TAFA1: variants seen among roughly 807,000 people sequenced by gnomAD.
TAFA1 encodes TAFA chemokine like family member 1, also known as chemokine-like protein TAFA-1.
In TAFA1, 4 loss-of-function variants were observed where a neutral mutation model predicts 18.5. The ratio of observed to expected loss-of-function variants is 0.22; its 90% CI spans 0.11 to 0.49. The LOEUF is 0.49. Ranked by LOEUF, TAFA1 falls within the 20% of genes least tolerant of loss-of-function variation. TAFA1 has a pLI of 0.98. For missense variants in TAFA1, 147 were observed against 169.0 expected (o/e 0.87, Z 0.72); for synonymous variants, 56 against 55.2 (o/e 1.01, Z -0.06).
At chr3:68,503,657 A>G (rs1298876861) in intron 3 of TAFA1, among the ~76,000 whole-genome samples, 1 of 152,136 alleles carries the variant, frequency 6.6e-6, no homozygotes, top group Non-Finnish European at 1.5e-5. Context: ...TACACTTTAA[A>G]ATACTTGAAG....
At chr3:68,401,869 G>A (rs753225052) in intron 2 of TAFA1, among the ~76,000 whole-genome samples, 4 of 152,122 alleles carry the variant, frequency 2.6e-5, no homozygotes, top group East Asian at 1.9e-4. Context: ...GAAAGAAAAC[G>A]CAGTCTTCAG....
At chr3:68,246,154 C>T (rs945598283) in intron 2 of TAFA1, among the ~76,000 whole-genome samples, 1 of 152,132 alleles carries the variant, frequency 6.6e-6, no homozygotes, top group Non-Finnish European at 1.5e-5. Context: ...GAACTGTTGG[C>T]ATCCGTTGCC....
At chr3:68,204,655 T>C (rs1373297624) in intron 2 of TAFA1, among the ~76,000 whole-genome samples, 1 of 151,772 alleles carries the variant, frequency 6.6e-6, no homozygotes, top group Non-Finnish European at 1.5e-5. Context: ...AAGGAGAGAT[T>C]AAAAGCAACA....
At chr3:68,466,440 T>C (rs923096741) in intron 3 of TAFA1, among the ~76,000 whole-genome samples, 56 of 152,290 alleles carry the variant, frequency 3.7e-4, no homozygotes, top group African/African-American at 1.3e-3. Flanking sequence ...ATGTATTTTC[T>C]CTTAAATTAT....
intron 2 of TAFA1, among the ~76,000 whole-genome samples, chr3:68,285,460 C>A (rs1287244543): frequency 6.6e-6 from 1 of 151,028 alleles, no homozygotes; most frequent in Non-Finnish European, 1.5e-5. Flanking sequence ...ATATATATAG[C>A]AACATATATA....
intron 2 of TAFA1, among the ~76,000 whole-genome samples, chr3:68,318,412 GA>G (rs2068640642): frequency 6.6e-6 from 1 of 152,152 alleles, no homozygotes; most frequent in Non-Finnish European, 1.5e-5. Flanking sequence ...ATGTTAGACA[GA>G]CATTTATTAA....
Position 68,303,660 on chromosome 3 carries a change from G to A in TAFA1, c.119-113620G>A, listed in dbSNP as rs557111180. ...GAGACGGGGTTTCACTGTGTTAGCC[G>A]GGATGGTCTTGATCTCCTGACCTCG... On this transcript the variant is annotated intron_variant, in intron 2 of 4. Coordinates refer to ENST00000478136, the MANE Select transcript of TAFA1 (RefSeq NM_213609.4). Among the ~76,000 whole-genome samples the A allele has an allele frequency of 3.4e-3, 524 of 151,986 alleles. 5 individuals carry two copies. The highest frequency in any genetic ancestry group is 5.9e-3 in the Non-Finnish European group (399 of 67,958).
At chr3:68,440,861 G>A (rs913318533) in intron 3 of TAFA1, among the ~76,000 whole-genome samples, 3 of 152,156 alleles carry the variant, frequency 2.0e-5, no homozygotes, top group African/African-American at 7.2e-5. Flanking sequence ...TTCTTAGCCT[G>A]TTGACTTAAA....
intron 3 of TAFA1, among the ~76,000 whole-genome samples, chr3:68,470,785 C>T (rs903382680): frequency 2.0e-5 from 3 of 152,112 alleles, no homozygotes; most frequent in East Asian, 1.9e-4. Flanking sequence ...TGCAGCCTGA[C>T]GATGCAATAG....
At chr3:68,471,774 C>G (rs990226796) in intron 3 of TAFA1, among the ~76,000 whole-genome samples, 1 of 152,174 alleles carries the variant, frequency 6.6e-6, no homozygotes, top group Non-Finnish European at 1.5e-5. Flanking sequence ...AGGAACAATA[C>G]TTTGCATCCT....
At chr3:68,105,087 C>T (rs1374037501) in intron 2 of TAFA1, among the ~76,000 whole-genome samples, 3 of 152,036 alleles carry the variant, frequency 2.0e-5, no homozygotes, top group African/African-American at 7.2e-5. Flanking sequence ...GGAGGTGCCA[C>T]ACTCTTTTAA....
intron 2 of TAFA1, among the ~76,000 whole-genome samples, chr3:68,356,334 A>G (rs17047570): frequency 0.016 from 2,399 of 151,942 alleles, 63 homozygotes; most frequent in African/African-American, 0.055. Context: ...CTTGTCCCTA[A>G]GGGTGGTTGT....
At chr3:68,469,817 A>T (rs1268487024) in intron 3 of TAFA1, among the ~76,000 whole-genome samples, 1 of 152,214 alleles carries the variant, frequency 6.6e-6, no homozygotes, top group Non-Finnish European at 1.5e-5. Flanking sequence ...ACAACCTTGT[A>T]CCAGTGATGG....
chr3:68,534,849 AAGG>A (rs906143650), intron 3 of TAFA1, among the ~76,000 whole-genome samples: 2 of 152,072 alleles, frequency 1.3e-5, no homozygotes, highest in Non-Finnish European at 2.9e-5. Context: ...GAGCAGCCTG[AAGG>A]AGGAGGAGGA....
intron 2 of TAFA1, among the ~76,000 whole-genome samples, chr3:68,065,914 A>G (rs2064671563): frequency 6.6e-6 from 1 of 152,136 alleles, no homozygotes; most frequent in Non-Finnish European, 1.5e-5. Context: ...ATGCTCAGCA[A>G]TAAAAACTAA....
In TAFA1 at chr3:68,410,705, C is replaced by CAAAAAA. The variant is rs34714719; in HGVS notation, c.119-6552_119-6547dup. ...CAAAAAAGAGACCATTTTCCATAAGCAAAAAAAAAAAAAAAAAAAAAAAAA... is the reference window on the plus strand; with the variant it reads ...CAAAAAAGAGACCATTTTCCATAAGCAAAAAAAAAAAAAAAAAAAAAAAAAAAAAAA... On this transcript the variant is annotated intron_variant, in intron 2 of 4. Transcript: ENST00000478136. Among the ~76,000 whole-genome samples, 333 of 36,654 alleles carry CAAAAAA rather than the reference C, an allele frequency of 9.1e-3. 77 individuals are homozygous for CAAAAAA. The highest frequency in any genetic ancestry group is 0.016 in the African/African-American group (169 of 10,602). The allele number at this position is 36,654 out of a possible 152,430, so 24.0% of individuals were successfully genotyped here. A position where few individuals can be genotyped will look rare whatever the true frequency, so the allele number is the denominator to read the frequency against.
intron 3 of TAFA1, among the ~76,000 whole-genome samples, chr3:68,425,117 A>G (rs1294331898): frequency 6.6e-6 from 1 of 151,978 alleles, no homozygotes; most frequent in African/African-American, 2.4e-5. Flanking sequence ...TCATCTAGAG[A>G]GCTTCCAGAG....
chr3:68,234,198 G>A (rs1265582907), intron 2 of TAFA1, among the ~76,000 whole-genome samples: 1 of 152,180 alleles, frequency 6.6e-6, no homozygotes, highest in Non-Finnish European at 1.5e-5. Flanking sequence ...TGAAATCAAA[G>A]AACAGCAGTG....
intron 2 of TAFA1, among the ~76,000 whole-genome samples, chr3:68,126,731 G>T (rs1245254291): frequency 6.6e-6 from 1 of 152,062 alleles, no homozygotes; most frequent in Admixed American, 6.5e-5. Flanking sequence ...AAGGGAAGCT[G>T]GTATCAGAGG....
Sources: allele counts gnomAD v4.1 joint callset (sites outside exome capture counted in the v4.1 genomes callset), GRCh38; gene constraint gnomAD v4.1.1; transcripts MANE v1.5; gene names NCBI Gene and HGNC (gene_info 2026-07-23, HGNC 2026-07-21).